ABTB3: variants seen among roughly 807,000 people sequenced by gnomAD.
The protein encoded by ABTB3 is ankyrin repeat- and BTB/POZ domain-containing protein 3.
chr12:107,352,366 G>A, the ABTB3 span, among the ~76,000 whole-genome samples: 2 of 152,204 alleles, frequency 1.3e-5, no homozygotes, highest in African/African-American at 4.8e-5. Flanking sequence ...TCTGGATGGA[G>A]GCTAGAGTGC....
the ABTB3 span, among the ~76,000 whole-genome samples, chr12:107,373,650 C>T: frequency 6.6e-6 from 1 of 152,186 alleles, no homozygotes; most frequent in Non-Finnish European, 1.5e-5. Context: ...CATCTCCAAG[C>T]TCCTCTATCT....
At chr12:107,506,909 A>T in the ABTB3 span, among the ~76,000 whole-genome samples, 1 of 152,202 alleles carries the variant, frequency 6.6e-6, no homozygotes, top group African/African-American at 2.4e-5. Context: ...ACCTCTGGAG[A>T]GTGGGATTAG....
the ABTB3 span, among the ~76,000 whole-genome samples, chr12:107,514,494 C>T: frequency 6.6e-6 from 1 of 152,146 alleles, no homozygotes; most frequent in East Asian, 1.9e-4. Context: ...ATATTTGAAC[C>T]TCAGTTCCCT....
the ABTB3 span, chr12:107,649,290 T>C: frequency 1.9e-6 from 3 of 1,608,408 alleles, no homozygotes; most frequent in Admixed American, 5.0e-5. Flanking sequence ...GGATCCATTG[T>C]GGTGTTGGCT....
At chr12:107,386,876 C>T in the ABTB3 span, among the ~76,000 whole-genome samples, 2 of 144,980 alleles carry the variant, frequency 1.4e-5, no homozygotes, top group South Asian at 2.2e-4. Flanking sequence ...GCCGAGAAGT[C>T]GAAGGAAATG....
At chr12:107,621,448 G>T in the ABTB3 span, among the ~76,000 whole-genome samples, 1 of 105,086 alleles carries the variant, frequency 9.5e-6, no homozygotes, top group African/African-American at 6.5e-5. Context: ...CAGGGTCTGG[G>T]TTCTATCGTT....
the ABTB3 span, among the ~76,000 whole-genome samples, chr12:107,496,531 T>A: frequency 1.3e-5 from 2 of 152,146 alleles, no homozygotes; most frequent in East Asian, 1.9e-4. Context: ...AGATGACCGA[T>A]AAAACATTGA....
the ABTB3 span, among the ~76,000 whole-genome samples, chr12:107,419,116 A>G: frequency 6.6e-6 from 1 of 152,162 alleles, no homozygotes; most frequent in Non-Finnish European, 1.5e-5. Flanking sequence ...CCCCCAGGGG[A>G]GTTTATTAAG....
chr12:107,507,232 T>C, the ABTB3 span, among the ~76,000 whole-genome samples: 1 of 152,014 alleles, frequency 6.6e-6, no homozygotes, highest in Non-Finnish European at 1.5e-5. Context: ...CTGGTTGAGC[T>C]CTAGAGGCAC....
chr12:107,529,033 GTGA>G, the ABTB3 span, among the ~76,000 whole-genome samples: 260 of 150,860 alleles, frequency 1.7e-3, 7 homozygotes, highest in East Asian at 0.042. Context: ...AATGGTGATG[GTGA>G]TGATGATGAT....
the ABTB3 span, among the ~76,000 whole-genome samples, chr12:107,499,490 G>T: frequency 3.3e-5 from 5 of 151,982 alleles, no homozygotes; most frequent in African/African-American, 1.2e-4. Context: ...TCACGAATTT[G>T]CCCTGTGTAT....
At chr12:107,506,441 G>T in the ABTB3 span, among the ~76,000 whole-genome samples, 53 of 151,630 alleles carry the variant, frequency 3.5e-4, 3 homozygotes, top group Non-Finnish European at 7.4e-5. Flanking sequence ...AATATAGAAA[G>T]AACTTCCACA....
the ABTB3 span, among the ~76,000 whole-genome samples, chr12:107,644,046 G>C: frequency 9.9e-5 from 15 of 152,166 alleles, no homozygotes; most frequent in Admixed American, 2.0e-4. Flanking sequence ...GGGATTACAA[G>C]CATGAGCTAC....
chr12:107,496,852 C>A, the ABTB3 span, among the ~76,000 whole-genome samples: 1 of 152,174 alleles, frequency 6.6e-6, no homozygotes, highest in East Asian at 1.9e-4. Flanking sequence ...GGCAGCCTGG[C>A]TGTAGAGCCC....
chr12:107,355,569 G>A, the ABTB3 span, among the ~76,000 whole-genome samples: 1 of 152,138 alleles, frequency 6.6e-6, no homozygotes, highest in African/African-American at 2.4e-5. Context: ...TGCCACCCTT[G>A]AATGCTCCAA....
chr12:107,366,415 TA>T, the ABTB3 span, among the ~76,000 whole-genome samples: 41 of 151,388 alleles, frequency 2.7e-4, no homozygotes, highest in East Asian at 7.8e-3. Context: ...AAGAAGAGAG[TA>T]AAAAAGGAAA....
At chr12:107,324,279 G>A in the ABTB3 span, among the ~76,000 whole-genome samples, 1 of 152,032 alleles carries the variant, frequency 6.6e-6, no homozygotes, top group Non-Finnish European at 1.5e-5. Context: ...TTTTATTATA[G>A]CACCAAGTAA....
the ABTB3 span, among the ~76,000 whole-genome samples, chr12:107,448,369 GT>G: frequency 6.6e-6 from 1 of 152,194 alleles, no homozygotes; most frequent in South Asian, 2.1e-4. Flanking sequence ...GGAAGCCTTT[GT>G]CTTTGACCAC....
At chr12:107,574,541 A>G in the ABTB3 span, among the ~76,000 whole-genome samples, 2 of 152,218 alleles carry the variant, frequency 1.3e-5, no homozygotes, top group East Asian at 3.9e-4. Flanking sequence ...TGGCCAACAT[A>G]GTGAAACCCT....
Sources: allele counts gnomAD v4.1 joint callset (sites outside exome capture counted in the v4.1 genomes callset), GRCh38; gene constraint gnomAD v4.1.1; transcripts MANE v1.5; gene names NCBI Gene and HGNC (gene_info 2026-07-23, HGNC 2026-07-21).